Variants in TRIM5 observed in about 807,000 individuals in gnomAD.
TRIM5 encodes the protein tripartite motif-containing protein 5.
TRIM5 carries 31 observed loss-of-function variants against 35.6 expected under a neutral mutation model. The observed-to-expected ratio is 0.87, with a 90% CI of 0.65 to 1.18. TRIM5 has a LOEUF of 1.18. Ranked by LOEUF, TRIM5 falls within the 50% of genes most tolerant of loss-of-function variation. The pLI is 0.00. For missense variants in TRIM5, 609 were observed against 591.6 expected (o/e 1.03, Z -0.31); for synonymous variants, 243 against 215.6 (o/e 1.13, Z -1.11).
chr11:5,614,057 G>A, the TRIM5 span, among the ~76,000 whole-genome samples: 1 of 152,148 alleles, frequency 6.6e-6, no homozygotes, highest in African/African-American at 2.4e-5. Flanking sequence ...ACAATTATTA[G>A]GGTAAGTTCA....
At chr11:5,610,562 G>A in the TRIM5 span, 1 of 1,612,956 alleles carries the variant, frequency 6.2e-7, no homozygotes, top group Non-Finnish European at 8.5e-7. Context: ...AGCTACTGGG[G>A]TAAGTAGAAG....
chr11:5,617,391 C>T, the TRIM5 span, among the ~76,000 whole-genome samples: 235 of 144,400 alleles, frequency 1.6e-3, 19 homozygotes, highest in Admixed American at 4.9e-3. Flanking sequence ...TCCACCTGAC[C>T]ACTGAGGGTA....
At chr11:5,648,744 G>T in the TRIM5 span, among the ~76,000 whole-genome samples, 4 of 152,166 alleles carry the variant, frequency 2.6e-5, no homozygotes, top group African/African-American at 9.7e-5. Context: ...GGTATCTGCA[G>T]ATGGGACGTG....
chr11:5,644,697 G>T, the TRIM5 span, among the ~76,000 whole-genome samples: 1 of 152,090 alleles, frequency 6.6e-6, no homozygotes, highest in Non-Finnish European at 1.5e-5. Flanking sequence ...GTGTCGGGGG[G>T]GTGGTGGTTA....
At chr11:5,649,342 C>T in the TRIM5 span, among the ~76,000 whole-genome samples, 1 of 152,200 alleles carries the variant, frequency 6.6e-6, no homozygotes, top group Non-Finnish European at 1.5e-5. Context: ...GATGGAGTGA[C>T]CCAAACTTTC....
the TRIM5 span, chr11:5,643,427 T>A: frequency 3.1e-6 from 5 of 1,614,076 alleles, no homozygotes; most frequent in Non-Finnish European, 4.2e-6. Flanking sequence ...GACCTCTATT[T>A]GGCTACTGGG....
At chr11:5,592,417 G>A in the TRIM5 span, among the ~76,000 whole-genome samples, 3 of 152,108 alleles carry the variant, frequency 2.0e-5, no homozygotes, top group Non-Finnish European at 4.4e-5. Context: ...GCCCAAGAGA[G>A]GTTAAGTAAC....
the TRIM5 span, among the ~76,000 whole-genome samples, chr11:5,618,112 T>A: frequency 6.6e-6 from 1 of 152,234 alleles, no homozygotes; most frequent in African/African-American, 2.4e-5. Context: ...ACAACAGCAG[T>A]GTTGACTGGT....
chr11:5,605,716 T>A, the TRIM5 span: 1 of 984,434 alleles, frequency 1.0e-6, no homozygotes, highest in Non-Finnish European at 1.5e-6. Context: ...TTAAACTGTT[T>A]AGAGGTATGG....
At chr11:5,647,363 A>G in the TRIM5 span, among the ~76,000 whole-genome samples, 1 of 152,216 alleles carries the variant, frequency 6.6e-6, no homozygotes, top group Non-Finnish European at 1.5e-5. Flanking sequence ...AAGGAAAAAA[A>G]CTATTCCAGA....
At chr11:5,603,730 T>G in the TRIM5 span, 1 of 1,612,646 alleles carries the variant, frequency 6.2e-7, no homozygotes, top group Non-Finnish European at 8.5e-7. Flanking sequence ...TGCCCAGGAG[T>G]ACCAGGTGAG....
the TRIM5 span, chr11:5,605,323 C>T: frequency 6.2e-7 from 1 of 1,613,858 alleles, no homozygotes; most frequent in Non-Finnish European, 8.5e-7. Flanking sequence ...TCTTTTTCTT[C>T]CCTGTTCCTG....
intron 5 of TRIM5, among the ~76,000 whole-genome samples, chr11:5,667,265 G>C (rs1313232968): frequency 6.6e-6 from 1 of 152,062 alleles, no homozygotes; most frequent in Non-Finnish European, 1.5e-5. Context: ...GGAGTGCAGT[G>C]GCATGGTCTT....
At chr11:5,607,644 G>C in the TRIM5 span, among the ~76,000 whole-genome samples, 1 of 152,124 alleles carries the variant, frequency 6.6e-6, no homozygotes, top group South Asian at 2.1e-4. Flanking sequence ...GATGTGAAGT[G>C]GACTGACTTG....
chr11:5,675,036 C>CT (rs112226102), intron 4 of TRIM5, among the ~76,000 whole-genome samples: 22,258 of 148,832 alleles, frequency 0.15, 2,462 homozygotes, highest in East Asian at 0.44. Flanking sequence ...GAGCAGTTTT[C>CT]TTTTTTTTTT....
At chr11:5,674,773 G>A (rs1851819110) in intron 4 of TRIM5, among the ~76,000 whole-genome samples, 1 of 152,198 alleles carries the variant, frequency 6.6e-6, no homozygotes, top group Non-Finnish European at 1.5e-5. Flanking sequence ...AGGACTTTAA[G>A]TAAAGTAAGT....
intron 3 of TRIM5, 110 bp from the exon 4 acceptor site, chr11:5,678,544 G>A: frequency 1.2e-6 from 1 of 814,600 alleles, no homozygotes; most frequent in Non-Finnish European, 1.9e-6. Context: ...GGACATAGTA[G>A]CAGGAGAGTA....
the TRIM5 span, among the ~76,000 whole-genome samples, chr11:5,591,236 ACT>A: frequency 1.3e-5 from 2 of 152,218 alleles, no homozygotes; most frequent in Non-Finnish European, 2.9e-5. Flanking sequence ...GCAAATAAAC[ACT>A]AATATTATAT....
chr11:5,677,269 C>G (rs562310423), intron 4 of TRIM5, among the ~76,000 whole-genome samples: 1 of 151,966 alleles, frequency 6.6e-6, no homozygotes, highest in African/African-American at 2.4e-5. Flanking sequence ...AAAAAACAAA[C>G]AACCCCATCA....
Sources: gnomAD v4.1 joint callset for allele counts (sites outside exome capture counted in the v4.1 genomes callset) on GRCh38, gnomAD v4.1.1 for gene constraint, MANE v1.5 for transcripts, NCBI Gene and HGNC (gene_info 2026-07-23, HGNC 2026-07-21) for gene names.